CHSY3: variants seen among roughly 807,000 people sequenced by gnomAD.
CHSY3 encodes the protein N-acetylgalactosaminyl-proteoglycan 3-beta-glucuronosyltransferase 3.
A neutral mutation model predicts 67.2 loss-of-function variants in CHSY3; 35 were observed. That is an observed-to-expected ratio of 0.52 (90% CI 0.40 to 0.69). The LOEUF is 0.69. Ranked by LOEUF, CHSY3 falls within the 30% of genes least tolerant of loss-of-function variation. CHSY3 has a pLI of 0.00. For missense variants in CHSY3, 1,069 were observed against 1,138.5 expected (o/e 0.94, Z 0.88); for synonymous variants, 474 against 434.7 (o/e 1.09, Z -1.12).
Position 130,184,867 on chromosome 5 carries a change from C to A in CHSY3, c.1725C>A (p.Thr575=). The A allele has an allele frequency of 6.3e-7, 1 of 1,591,060 alleles. No homozygotes were observed. The highest frequency in any genetic ancestry group is 8.6e-7 in the Non-Finnish European group (1 of 1,159,054). The change falls in exon 3 of 3, where the codon ACC becomes ACA. Residue 575 remains threonine (T), a synonymous_variant. Transcript: ENST00000305031. The part of the protein sequence containing the change: ...QLFSKPFFRE[T]EELDVNSLVE... The stretch of plus-strand genomic sequence containing the variant: ...TCAGCAAGCCTTTCTTCAGAGAGAC[C>A]GAAGAGCTAGATGTCAACAGTCTTG...
intron 2 of CHSY3, among the ~76,000 whole-genome samples, chr5:130,013,141 C>T (rs912904981): frequency 6.6e-6 from 1 of 152,198 alleles, no homozygotes; most frequent in African/African-American, 2.4e-5. Context: ...CCATGTCTCA[C>T]TATTGCAAGA....
At chr5:130,093,370 C>G (rs1766942095) in intron 2 of CHSY3, among the ~76,000 whole-genome samples, 1 of 152,048 alleles carries the variant, frequency 6.6e-6, no homozygotes. Flanking sequence ...AATGATATAA[C>G]CACATTGAAG....
intron 2 of CHSY3, among the ~76,000 whole-genome samples, chr5:129,911,412 C>T (rs32231): frequency 0.38 from 58,191 of 151,896 alleles, 11,196 homozygotes; most frequent in South Asian, 0.46. Context: ...TTCTTTAAGT[C>T]GTGTGTAATT....
chr5:130,033,556 C>G (rs1432619256), intron 2 of CHSY3, among the ~76,000 whole-genome samples: 1 of 152,122 alleles, frequency 6.6e-6, no homozygotes, highest in East Asian at 1.9e-4. Flanking sequence ...ATAACAGTAA[C>G]TCCCACTGAT....
Position 129,905,444 on chromosome 5 carries a change from C to A in CHSY3, c.615C>A (p.Phe205Leu). ...WARFIPGRVE[F>L]FSSQQPPNAG... Reference sequence around the variant, plus strand: ...GTTTCATCCCGGGCCGCGTGGAGTTCTTTTCCAGCCAGCAGCCCCCCAACG... The same window carrying A: ...GTTTCATCCCGGGCCGCGTGGAGTTATTTTCCAGCCAGCAGCCCCCCAACG... Residue 205 changes from phenylalanine to leucine, a missense_variant, in exon 1 of 3, where the codon TTC (phenylalanine) becomes TTA (leucine). Physicochemically the swap from Phe to Leu is conservative, Grantham distance 22 (BLOSUM62 0). Around this residue, in one of 5 missense-constraint regions of CHSY3, gnomAD observed 216 missense variants for 311.5 expected, o/e 0.69. Coordinates refer to ENST00000305031, the MANE Select transcript of CHSY3 (RefSeq NM_175856.5). The A allele has an allele frequency of 6.2e-7, 1 of 1,612,100 alleles. No homozygotes were observed. The highest frequency in any genetic ancestry group is 8.5e-7 in the Non-Finnish European group (1 of 1,179,916).
intron 2 of CHSY3, among the ~76,000 whole-genome samples, chr5:130,079,952 T>C (rs1244847272): frequency 6.6e-6 from 1 of 151,842 alleles, no homozygotes; most frequent in Admixed American, 6.6e-5. Flanking sequence ...ATTACATTGT[T>C]TTTTTGTTTG....
intron 2 of CHSY3, among the ~76,000 whole-genome samples, chr5:129,962,311 C>T (rs1468393594): frequency 6.6e-6 from 1 of 151,950 alleles, no homozygotes; most frequent in East Asian, 1.9e-4. Context: ...ATCTCCTCCT[C>T]TCTCCCTGAA....
intron 2 of CHSY3, among the ~76,000 whole-genome samples, chr5:129,990,377 A>AGTGTGTGTGTGTGT (rs34958818): frequency 2.0e-4 from 30 of 147,578 alleles, no homozygotes; most frequent in African/African-American, 6.0e-4. Flanking sequence ...TGAGTGAGTG[A>AGTGTGTGTGTGTGT]GTGTGTGTGT....
At chr5:129,916,028 G>A (rs1252508940) in intron 2 of CHSY3, among the ~76,000 whole-genome samples, 2 of 152,090 alleles carry the variant, frequency 1.3e-5, no homozygotes, top group African/African-American at 2.4e-5. Flanking sequence ...CAACTGAAAA[G>A]GGCAATTCTA....
At chr5:129,932,136 A>ATATATATC (rs1761335446) in intron 2 of CHSY3, among the ~76,000 whole-genome samples, 1 of 95,700 alleles carries the variant, frequency 1.0e-5, no homozygotes, top group South Asian at 3.3e-4. Flanking sequence ...ATATATATAT[A>ATATATATC]TATATATGTA....
chr5:130,141,225 G>A (rs62393210), intron 2 of CHSY3: 1 of 483,254 alleles, frequency 2.1e-6, no homozygotes, highest in African/African-American at 2.0e-5. Flanking sequence ...TCTTTTTCTT[G>A]GTATTGAAAC....
intron 2 of CHSY3, among the ~76,000 whole-genome samples, chr5:129,954,462 G>GTTT (rs768087838): frequency 1.4e-5 from 2 of 143,872 alleles, no homozygotes; most frequent in Non-Finnish European, 3.1e-5. Context: ...TGGCTATACG[G>GTTT]TTTTTTTTTT....
rs573546904 is a variant in CHSY3, at chr5:129,949,738, A to G, written c.1086+41378A>G. 2.0e-5 allele frequency among the ~76,000 whole-genome samples: 3 copies of G among 152,332 alleles called. No homozygotes were observed. The East Asian group carries it at 5.8e-4, about 29-fold the overall frequency. On this transcript the variant is annotated intron_variant, in intron 2 of 2. Transcript: ENST00000305031. ...ACAAAACCAGAGTAAACCAAATTTA[A>G]TAGCACTTTACAAACATCATTCACC...
intron 2 of CHSY3, among the ~76,000 whole-genome samples, chr5:129,938,864 C>T (rs1761601793): frequency 6.6e-6 from 1 of 152,208 alleles, no homozygotes; most frequent in Non-Finnish European, 1.5e-5. Flanking sequence ...GCCCTGCAGC[C>T]TGTTCCAGCC....
chr5:129,908,697 T>G (rs1760418988), intron 2 of CHSY3, among the ~76,000 whole-genome samples: 1 of 152,132 alleles, frequency 6.6e-6, no homozygotes, highest in South Asian at 2.1e-4. Context: ...AATTTTACTC[T>G]TCTCTTTAGC....
chr5:129,916,280 T>C (rs2149579529), intron 2 of CHSY3, among the ~76,000 whole-genome samples: 1 of 152,232 alleles, frequency 6.6e-6, no homozygotes, highest in East Asian at 1.9e-4. Flanking sequence ...ATAGTTATGC[T>C]TTGCTAATCA....
intron 2 of CHSY3, among the ~76,000 whole-genome samples, chr5:130,073,962 ACTAT>A (rs1420190082): frequency 6.6e-6 from 1 of 152,186 alleles, no homozygotes; most frequent in Non-Finnish European, 1.5e-5. Context: ...TGGGCATCAG[ACTAT>A]CTTTGTTTAC....
intron 2 of CHSY3, among the ~76,000 whole-genome samples, chr5:129,908,607 A>G (rs1322493140): frequency 6.6e-6 from 1 of 152,134 alleles, no homozygotes; most frequent in African/African-American, 2.4e-5. Context: ...CATCTCTGGA[A>G]GATGCTTATA....
intron 2 of CHSY3, among the ~76,000 whole-genome samples, chr5:130,136,554 C>T (rs10463867): frequency 0.043 from 6,561 of 152,198 alleles, 377 homozygotes; most frequent in East Asian, 0.27. Context: ...TGATGAGATA[C>T]AGACCTAAGC....
Sources: gnomAD v4.1 joint callset for allele counts (sites outside exome capture counted in the v4.1 genomes callset) on GRCh38, gnomAD v4.1.1 for gene constraint, gnomAD v4.1.1 regional missense constraint, MANE v1.5 for transcripts, NCBI Gene and HGNC (gene_info 2026-07-23, HGNC 2026-07-21) for gene names.